PAPPA: variants seen among roughly 807,000 people sequenced by gnomAD.
PAPPA encodes pappalysin-1.
PAPPA carries 60 observed loss-of-function variants against 164.0 expected under a neutral mutation model. The observed-to-expected ratio is 0.37, with a 90% CI of 0.30 to 0.45. PAPPA has a LOEUF of 0.45. Ranked by LOEUF, PAPPA falls within the 20% of genes least tolerant of loss-of-function variation. The probability of loss-of-function intolerance (pLI) is 1.00; values close to 1 mark genes in which losing one functional copy is unlikely to be tolerated. For synonymous variants in PAPPA, 875 were observed against 814.1 expected (o/e 1.07, Z -1.27); for missense variants, 1,782 against 2,087.3 (o/e 0.85, Z 2.85).
intron 9 of PAPPA, among the ~76,000 whole-genome samples, chr9:116,283,203 G>GC (rs968176138): frequency 1.3e-5 from 2 of 152,170 alleles, no homozygotes; most frequent in Non-Finnish European, 2.9e-5. Context: ...TCTGTGCAAT[G>GC]CAGGGTTAAG....
rs948441883 is a variant in PAPPA, at chr9:116,154,698, G to C, written c.415+111G>C. The C allele has an allele frequency of 8.4e-7, 1 of 1,191,458 alleles. No individual in the cohort carries two copies. 73.8% of individuals were successfully genotyped at this position (1,191,458 alleles called of 1,614,324 possible). On this transcript the variant is annotated intron_variant, in intron 1 of 21. Coordinates refer to ENST00000328252, the MANE Select transcript of PAPPA (RefSeq NM_002581.5). This position sits in a 1 kb window ranked among gnomAD's most constrained non-coding sequence, Gnocchi z 5.2. The stretch of plus-strand genomic sequence containing the variant: ...CGGGGGCTTGCGGGCGTGTCTGTGC[G>C]AGAGCTGCCCCGCGAGCGGCGCAGA...
chr9:116,344,467 T>C, intron 13 of PAPPA, 76 bp from the exon 14 acceptor site: 1 of 1,454,570 alleles, frequency 6.9e-7, no homozygotes, highest in Non-Finnish European at 9.4e-7. Context: ...AAAGAGGCTC[T>C]TAGCCTTTAT....
chr9:116,274,507 G>C (rs1845174148), intron 9 of PAPPA, among the ~76,000 whole-genome samples: 1 of 152,250 alleles, frequency 6.6e-6, no homozygotes, highest in Non-Finnish European at 1.5e-5. Context: ...AGGCTGTGCT[G>C]AGGTTGACAT....
Position 116,362,746 on chromosome 9 carries a change from T to C in PAPPA, c.4495+7T>C, listed in dbSNP as rs1175585541. On this transcript the variant is annotated splice_region_variant and intron_variant, in intron 18 of 21. Transcript: ENST00000328252. ...CCTGATGGCTATGCCATAGGTATGA[T>C]GGGCCCGAGAGGGGAGCAGTAGGAG... 2 of 1,611,868 alleles carry C rather than the reference T, an allele frequency of 1.2e-6. No individual in the cohort carries two copies. The highest frequency in any genetic ancestry group is 1.7e-6 in the Non-Finnish European group (2 of 1,178,826).
chr9:116,219,646 C>T (rs1338603129), intron 4 of PAPPA, among the ~76,000 whole-genome samples: 1 of 152,174 alleles, frequency 6.6e-6, no homozygotes, highest in Non-Finnish European at 1.5e-5. Flanking sequence ...CTCATCTTGC[C>T]TGTGTCCTTT....
At position 116,347,008 on chromosome 9, in the gene PAPPA, C is replaced by A; in HGVS notation, c.3781-18C>A. The A allele has an allele frequency of 1.2e-6, 2 of 1,602,006 alleles. No homozygotes were observed. The highest frequency in any genetic ancestry group is 1.7e-5 in the Admixed American group (1 of 59,170). On this transcript the variant is annotated intron_variant, in intron 14 of 21. Coordinates refer to ENST00000328252, the MANE Select transcript of PAPPA (RefSeq NM_002581.5). The surrounding 1 kb of genome is among the most constrained non-coding windows in gnomAD (Gnocchi z 4.5). ...GCTCAGTCTGCCACTCCTCACTATGCACGACTCTGCCTTTCAGACGGGACC... is the reference window on the plus strand; with the variant it reads ...GCTCAGTCTGCCACTCCTCACTATGAACGACTCTGCCTTTCAGACGGGACC...
Position 116,154,676 on chromosome 9 carries a change from G to C in PAPPA, c.415+89G>C. On this transcript the variant is annotated intron_variant, in intron 1 of 21. Transcript: ENST00000328252. The surrounding 1 kb of genome is among the most constrained non-coding windows in gnomAD (Gnocchi z 5.2). ...TGGGCGCGGGTGGCGGGCGGGTCGG[G>C]GGCTTGCGGGCGTGTCTGTGCGAGA... 2 of 1,239,086 alleles carry C rather than the reference G, an allele frequency of 1.6e-6. No individual in the cohort carries two copies. Among genetic ancestry groups the C allele is most frequent in the Non-Finnish European group, 2.0e-6 (2 of 989,034 alleles). The allele number at this position is 1,239,086 out of a possible 1,614,324, so 76.8% of individuals were successfully genotyped here.
At chr9:116,199,780 G>A (rs997655543) in intron 2 of PAPPA, among the ~76,000 whole-genome samples, 1 of 152,112 alleles carries the variant, frequency 6.6e-6, no homozygotes, top group African/African-American at 2.4e-5. Flanking sequence ...AAGAAGCCTG[G>A]CACCAGTGTC....
intron 17 of PAPPA, among the ~76,000 whole-genome samples, chr9:116,362,168 G>A (rs2118627775): frequency 6.6e-6 from 1 of 152,212 alleles, no homozygotes; most frequent in African/African-American, 2.4e-5. Flanking sequence ...CACTATTTAA[G>A]AGGAAGTAAA....
intron 9 of PAPPA, among the ~76,000 whole-genome samples, chr9:116,290,827 AT>A (rs199530110): frequency 0.049 from 7,324 of 149,880 alleles, 295 homozygotes; most frequent in Non-Finnish European, 0.066. Flanking sequence ...CATGTTTTGG[AT>A]TTTTTTTTCC....
intron 17 of PAPPA, among the ~76,000 whole-genome samples, chr9:116,359,531 C>A (rs1846396848): frequency 6.6e-6 from 1 of 152,242 alleles, no homozygotes; most frequent in Non-Finnish European, 1.5e-5. Flanking sequence ...CTCTGGTCTT[C>A]CCAGGTTGGA....
intron 1 of PAPPA, among the ~76,000 whole-genome samples, chr9:116,170,601 C>T (rs935843687): frequency 9.2e-5 from 14 of 151,528 alleles, no homozygotes; most frequent in African/African-American, 3.4e-4. Flanking sequence ...CCCTTTCTTC[C>T]TTCCTCCCTA....
chr9:116,172,390 A>G (rs935605385), intron 1 of PAPPA, among the ~76,000 whole-genome samples: 6 of 152,128 alleles, frequency 3.9e-5, no homozygotes, highest in Non-Finnish European at 7.4e-5. Context: ...CCTCACCACT[A>G]TTAACATTTT....
chr9:116,154,367 G>C lies in PAPPA; in HGVS notation c.195G>C (p.Pro65=). The C allele has an allele frequency of 1.0e-6, 1 of 952,654 alleles. No homozygotes were observed. The highest frequency in any genetic ancestry group is 1.3e-6 in the Non-Finnish European group (1 of 766,272). 59.0% of individuals were successfully genotyped at this position (952,654 alleles called of 1,614,324 possible). A position where few individuals can be genotyped will look rare whatever the true frequency, so the allele number is the denominator to read the frequency against. ...CCTCGCCGCCGCCGCCGCCGCCGCC[G>C]GGCGGTGCCTGGGAAGCCGTGCGCG... ...RRASPPPPPP[P]GGAWEAVRVP... Residue 65 remains proline (P), a synonymous_variant, in exon 1 of 22, where the codon CCG becomes CCC. Transcript: ENST00000328252. This position sits in a 1 kb window ranked among gnomAD's most constrained non-coding sequence, Gnocchi z 5.2.
At chr9:116,296,816 C>T (rs1845514825) in intron 9 of PAPPA, among the ~76,000 whole-genome samples, 1 of 151,708 alleles carries the variant, frequency 6.6e-6, no homozygotes, top group Non-Finnish European at 1.5e-5. Context: ...GTCTTGTATG[C>T]CAAGCTAAGG....
At chr9:116,326,686 T>C (rs1485831334) in intron 10 of PAPPA, among the ~76,000 whole-genome samples, 1 of 152,216 alleles carries the variant, frequency 6.6e-6, no homozygotes, top group East Asian at 1.9e-4. Context: ...TCCTAGAACT[T>C]ATTCATCTTG....
In PAPPA at chr9:116,187,061, A is replaced by T; in HGVS notation, c.416-93A>T. 1 of 908,556 alleles carries T rather than the reference A, an allele frequency of 1.1e-6. No individual in the cohort carries two copies. Among genetic ancestry groups the T allele is most frequent in the Admixed American group, 2.2e-5 (1 of 44,480 alleles). The allele number at this position is 908,556 out of a possible 1,614,324, so 56.3% of individuals were successfully genotyped here. On this transcript the variant is annotated intron_variant, in intron 1 of 21. Coordinates refer to ENST00000328252, the MANE Select transcript of PAPPA (RefSeq NM_002581.5). The surrounding 1 kb of genome is among the most constrained non-coding windows in gnomAD (Gnocchi z 4.2). Reference sequence around the variant, plus strand: ...AGTTGGAAAGCGATGAGTCTAGGATAACCTGATACAAATTTTATTAGAGAA... The same window carrying T: ...AGTTGGAAAGCGATGAGTCTAGGATTACCTGATACAAATTTTATTAGAGAA...
At chr9:116,345,466 T>G (rs918792405) in intron 14 of PAPPA, among the ~76,000 whole-genome samples, 2 of 151,892 alleles carry the variant, frequency 1.3e-5, no homozygotes, top group Admixed American at 6.6e-5. Context: ...TGCCACAGAT[T>G]TTTTTGTTTG....
intron 4 of PAPPA, among the ~76,000 whole-genome samples, chr9:116,218,878 G>A (rs560579805): frequency 6.6e-6 from 1 of 152,258 alleles, no homozygotes; most frequent in South Asian, 2.1e-4. Flanking sequence ...GTACGATAAG[G>A]AAAATAGTAG....
Sources: gnomAD v4.1 joint callset for allele counts (sites outside exome capture counted in the v4.1 genomes callset) on GRCh38, gnomAD v4.1.1 for gene constraint, Gnocchi (gnomAD v3.1) non-coding constraint, MANE v1.5 for transcripts, NCBI Gene and HGNC (gene_info 2026-07-23, HGNC 2026-07-21) for gene names.